Variants in LRFN5 observed in about 807,000 individuals in gnomAD.
The protein encoded by LRFN5 is leucine rich repeat and fibronectin type III domain containing 5.
LRFN5 carries 24 observed loss-of-function variants against 45.6 expected under a neutral mutation model. The observed-to-expected ratio is 0.53, with a 90% CI of 0.38 to 0.74. The LOEUF (loss-of-function observed/expected upper bound fraction) is 0.74. Among genes scored for constraint, LRFN5 ranks in the 30% least tolerant of loss-of-function variants. The probability of loss-of-function intolerance (pLI) is 0.00; values close to 1 mark genes in which losing one functional copy is unlikely to be tolerated. For missense variants in LRFN5, 776 were observed against 861.5 expected (o/e 0.90, Z 1.24); for synonymous variants, 340 against 313.8 (o/e 1.08, Z -0.88).
chr14:41,900,424 T>C (rs1023828626), intron 5 of LRFN5, among the ~76,000 whole-genome samples: 28 of 152,054 alleles, frequency 1.8e-4, no homozygotes, highest in African/African-American at 6.8e-4. Context: ...CTAAGAGATA[T>C]AGCACAAAAT....
chr14:41,703,699 C>T (rs1882930970), intron 1 of LRFN5, among the ~76,000 whole-genome samples: 1 of 151,874 alleles, frequency 6.6e-6, no homozygotes. Flanking sequence ...AGTAAATGCC[C>T]CAGATTTGAT....
intron 1 of LRFN5, among the ~76,000 whole-genome samples, chr14:41,747,868 G>T (rs548706226): frequency 6.6e-6 from 1 of 152,036 alleles, no homozygotes; most frequent in Non-Finnish European, 1.5e-5. Flanking sequence ...GCATGATCCA[G>T]AAAAGATATA....
intron 2 of LRFN5, among the ~76,000 whole-genome samples, chr14:41,781,672 AAG>A (rs1317549356): frequency 2.6e-5 from 4 of 151,706 alleles, no homozygotes; most frequent in African/African-American, 4.8e-5. Flanking sequence ...AAAGGAAAGA[AAG>A]AAAGAAAGAG....
At chr14:41,784,503 C>G (rs965090169) in intron 2 of LRFN5, among the ~76,000 whole-genome samples, 2 of 151,902 alleles carry the variant, frequency 1.3e-5, no homozygotes, top group African/African-American at 4.8e-5. Flanking sequence ...CGCAAAGACT[C>G]TCTGAAATTT....
At chr14:41,864,989 A>T (rs896769094) in intron 2 of LRFN5, among the ~76,000 whole-genome samples, 1 of 152,104 alleles carries the variant, frequency 6.6e-6, no homozygotes, top group Admixed American at 6.5e-5. Flanking sequence ...ACCACATCAC[A>T]TTAAAAATAG....
chr14:41,874,798 A>G (rs1157860669), intron 2 of LRFN5, among the ~76,000 whole-genome samples: 1 of 152,228 alleles, frequency 6.6e-6, no homozygotes, highest in African/African-American at 2.4e-5. Flanking sequence ...CTCACAGTTT[A>G]GCGGGGCTGG....
intron 1 of LRFN5, among the ~76,000 whole-genome samples, chr14:41,610,660 G>GGAAAAAAAAAA (rs1566586963): frequency 1.9e-4 from 2 of 10,512 alleles, no homozygotes; most frequent in African/African-American, 1.1e-3. Context: ...CCCAGGGAAG[G>GGAAAAAAAAAA]TAAAAAAAAA....
intron 1 of LRFN5, among the ~76,000 whole-genome samples, chr14:41,658,652 A>G (rs1880488666): frequency 6.6e-6 from 1 of 152,112 alleles, no homozygotes; most frequent in Non-Finnish European, 1.5e-5. Context: ...AGGTTACATT[A>G]CATCTACTTT....
chr14:41,664,129 T>C (rs1880785038), intron 1 of LRFN5, among the ~76,000 whole-genome samples: 1 of 152,064 alleles, frequency 6.6e-6, no homozygotes, highest in South Asian at 2.1e-4. Flanking sequence ...TACAAGTGTT[T>C]GCAAATCATG....
chr14:41,660,571 T>A (rs1254981750), intron 1 of LRFN5, among the ~76,000 whole-genome samples: 1 of 152,094 alleles, frequency 6.6e-6, no homozygotes, highest in African/African-American at 2.4e-5. Flanking sequence ...GTTATCCCTT[T>A]ATTGTAGACA....
chr14:41,730,034 T>C (rs951248741), intron 1 of LRFN5, among the ~76,000 whole-genome samples: 1 of 152,032 alleles, frequency 6.6e-6, no homozygotes, highest in Non-Finnish European at 1.5e-5. Flanking sequence ...GAAGTAATGT[T>C]CTGTATATAA....
chr14:41,803,536 G>A (rs1887414195), intron 2 of LRFN5, among the ~76,000 whole-genome samples: 1 of 150,558 alleles, frequency 6.6e-6, no homozygotes, highest in East Asian at 2.0e-4. Flanking sequence ...TTTTAATTTT[G>A]TTGAGGTGGG....
chr14:41,795,910 G>T (rs959604606), intron 2 of LRFN5, among the ~76,000 whole-genome samples: 3 of 114,606 alleles, frequency 2.6e-5, no homozygotes, highest in African/African-American at 1.1e-4. Context: ...ATGTACCCTA[G>T]AACTTAAAGT....
intron 1 of LRFN5, among the ~76,000 whole-genome samples, chr14:41,703,410 A>G (rs1366675828): frequency 2.6e-5 from 4 of 152,094 alleles, no homozygotes; most frequent in Admixed American, 6.6e-5. Context: ...AAGTGACAAC[A>G]TTTTGTCAGC....
chr14:41,680,869 TAAA>T (rs1032700355), intron 1 of LRFN5, among the ~76,000 whole-genome samples: 2 of 151,410 alleles, frequency 1.3e-5, no homozygotes, highest in African/African-American at 2.4e-5. Flanking sequence ...AAATTTAAGT[TAAA>T]AAAAAGAAAC....
chr14:41,650,266 C>CACACACACA (rs1247683262), intron 1 of LRFN5, among the ~76,000 whole-genome samples: 1 of 135,534 alleles, frequency 7.4e-6, no homozygotes, highest in African/African-American at 2.8e-5. Flanking sequence ...CACACACACA[C>CACACACACA]AAAAAAAAAA....
At chr14:41,672,052 A>G (rs907439045) in intron 1 of LRFN5, among the ~76,000 whole-genome samples, 2 of 152,224 alleles carry the variant, frequency 1.3e-5, no homozygotes, top group African/African-American at 4.8e-5. Context: ...AGTTTAATCT[A>G]TATTCAAATT....
At chr14:41,857,453 G>T (rs1298260349) in intron 2 of LRFN5, among the ~76,000 whole-genome samples, 1 of 152,102 alleles carries the variant, frequency 6.6e-6, no homozygotes, top group Non-Finnish European at 1.5e-5. Context: ...ATCTCCTCGT[G>T]GTTTGTCTCT....
At chr14:41,880,071 G>T (rs1190007949) in intron 2 of LRFN5, among the ~76,000 whole-genome samples, 1 of 151,524 alleles carries the variant, frequency 6.6e-6, no homozygotes, top group Non-Finnish European at 1.5e-5. Context: ...GGGACTACAG[G>T]CACCCACCAT....
Sources: allele counts gnomAD v4.1 joint callset (sites outside exome capture counted in the v4.1 genomes callset), GRCh38; gene constraint gnomAD v4.1.1; transcripts MANE v1.5; gene names NCBI Gene and HGNC (gene_info 2026-07-23, HGNC 2026-07-21).